The following ADAM2 variants were observed in gnomAD, a reference collection of about 807,000 sequenced individuals.
ADAM2 encodes disintegrin and metalloproteinase domain-containing protein 2.
ADAM2 carries 101 observed loss-of-function variants against 99.3 expected under a neutral mutation model. That is an observed-to-expected ratio of 1.02 (90% confidence interval 0.87 to 1.20). The LOEUF is 1.20. Among genes scored for constraint, ADAM2 ranks in the 50% most tolerant of loss-of-function variants. The pLI is 0.00. For missense variants in ADAM2, 948 were observed against 878.7 expected, an observed-to-expected ratio of 1.08 and a Z score of -1.00; for synonymous variants, 323 against 287.6, an observed-to-expected ratio of 1.12 and a Z score of -1.25.
At chr8:39,746,326 C>T in intron 19 of ADAM2, 146 bp downstream of exon 19, 1 of 576,626 alleles carries the variant, frequency 1.7e-6, no homozygotes, top group Non-Finnish European at 2.8e-6. Flanking sequence ...CACCCCTGGC[C>T]ATTAGTTATT....
chr8:39,745,419 T>C lies in ADAM2; in HGVS notation c.2175-526A>G, dbSNP rs557248771. 8.5e-4 allele frequency among the ~76,000 whole-genome samples: 130 copies of C among 152,234 alleles called. 1 individual carries two copies. The highest frequency in any genetic ancestry group is 3.0e-3 in the African/African-American group (125 of 41,566). On this transcript the variant is annotated intron_variant, in intron 19 of 20. Transcript: ENST00000265708. The stretch of plus-strand genomic sequence containing the variant: ...TTTTCATTTACATTGTCATTTTAAG[T>C]ATTTTAATGAAATTCAATTCATTTC...
chr8:39,746,017 G>GTA (rs10661866), intron 19 of ADAM2, among the ~76,000 whole-genome samples: 86,975 of 150,036 alleles, frequency 0.58, 25,359 homozygotes, highest in East Asian at 0.85. Context: ...GTGTGTGTGT[G>GTA]TATATATATA....
intron 7 of ADAM2, among the ~76,000 whole-genome samples, chr8:39,800,411 C>CT (rs1230215789): frequency 1.3e-5 from 2 of 152,170 alleles, no homozygotes; most frequent in African/African-American, 4.8e-5. Flanking sequence ...GTCTGATGGG[C>CT]TTCCCTTTGT....
At chr8:39,803,193 A>G (rs1314578298) in intron 7 of ADAM2, among the ~76,000 whole-genome samples, 2 of 152,190 alleles carry the variant, frequency 1.3e-5, no homozygotes, top group South Asian at 2.1e-4. Flanking sequence ...AATGCCTTAA[A>G]TTTTGATCAA....
intron 3 of ADAM2, among the ~76,000 whole-genome samples, chr8:39,832,157 A>T (rs1306671179): frequency 6.6e-6 from 1 of 152,126 alleles, no homozygotes; most frequent in East Asian, 1.9e-4. Context: ...CAATGTCATA[A>T]AATTGGTTCC....
intron 6 of ADAM2, chr8:39,818,233 A>G (rs1332280328): frequency 6.6e-6 from 1 of 152,100 alleles, no homozygotes; most frequent in Non-Finnish European, 1.5e-5. Context: ...ATGCACTATA[A>G]CAAAGAGAGA....
chr8:39,769,956 T>TA (rs1802716500), intron 11 of ADAM2, among the ~76,000 whole-genome samples: 1 of 149,320 alleles, frequency 6.7e-6, no homozygotes, highest in Non-Finnish European at 1.5e-5. Context: ...TTTTCTTTTT[T>TA]TTTTTTTTGA....
chr8:39,821,748 G>T, intron 4 of ADAM2, 86 bp from the exon 5 acceptor site: 1 of 894,736 alleles, frequency 1.1e-6, no homozygotes. Flanking sequence ...TATGTGTTTT[G>T]TTTTTATGCA....
intron 10 of ADAM2, among the ~76,000 whole-genome samples, chr8:39,778,408 G>T (rs1298605236): frequency 6.6e-6 from 1 of 152,030 alleles, no homozygotes; most frequent in Non-Finnish European, 1.5e-5. Context: ...GAATGAAAGT[G>T]AGGTATTTAC....
chr8:39,761,250 A>G lies in ADAM2; in HGVS notation c.1539T>C (p.Ser513=), dbSNP rs144791816. The G allele has an allele frequency of 8.1e-6, 13 of 1,604,360 alleles. No individual in the cohort carries two copies. The highest frequency in any genetic ancestry group is 1.7e-4 in the Middle Eastern group (1 of 5,900). The change falls in exon 15 of 21, where the codon TCT becomes TCC. Residue 513 remains serine, a synonymous_variant. Coordinates refer to ENST00000265708, the MANE Select transcript of ADAM2 (RefSeq NM_001464.5). ...ATACATCAGTCTTTGAATTAAGGTG[A>G]GAATAACATTCTGAAGGGCCAAACT... ...EVEFGPSECY[S]HLNSKTDVSG...
chr8:39,781,419 A>G (rs1041004693), intron 10 of ADAM2, among the ~76,000 whole-genome samples: 1 of 152,178 alleles, frequency 6.6e-6, no homozygotes, highest in Non-Finnish European at 1.5e-5. Flanking sequence ...TAGAATCTTT[A>G]TTTTGATCTC....
intron 8 of ADAM2, 40 bp from the exon 9 acceptor site, chr8:39,788,291 A>C: frequency 1.5e-6 from 2 of 1,323,356 alleles, no homozygotes; most frequent in Non-Finnish European, 1.0e-6. Flanking sequence ...CAAAAGTCAC[A>C]GTTTTTAAAA....
At chr8:39,820,113 T>C (rs1380314543) in intron 6 of ADAM2, among the ~76,000 whole-genome samples, 1 of 152,126 alleles carries the variant, frequency 6.6e-6, no homozygotes, top group Non-Finnish European at 1.5e-5. Context: ...AGGGTCTTGG[T>C]GACCATGTAT....
intron 6 of ADAM2, chr8:39,817,929 A>G: frequency 6.6e-6 from 1 of 151,870 alleles, no homozygotes; most frequent in Non-Finnish European, 1.5e-5. Flanking sequence ...ATTATAATAG[A>G]CTTAATGAGA....
intron 11 of ADAM2, among the ~76,000 whole-genome samples, chr8:39,775,642 T>C (rs1023479090): frequency 1.3e-5 from 2 of 152,178 alleles, no homozygotes; most frequent in African/African-American, 4.8e-5. Context: ...TTTGTTTTTC[T>C]CCATCAACCA....
At chr8:39,788,819 C>G in intron 7 of ADAM2, 79 bp from the exon 8 acceptor site, 1 of 755,538 alleles carries the variant, frequency 1.3e-6, no homozygotes, top group Non-Finnish European at 1.9e-6. Context: ...ATTTAAAATT[C>G]AATTTGGTGA....
At chr8:39,836,216 C>G (rs1265754881) in intron 2 of ADAM2, among the ~76,000 whole-genome samples, 1 of 150,978 alleles carries the variant, frequency 6.6e-6, no homozygotes, top group African/African-American at 2.5e-5. Context: ...TTTTTTTTTA[C>G]TTATTGCAAA....
chr8:39,804,755 T>C (rs1003801416), intron 7 of ADAM2, among the ~76,000 whole-genome samples: 1 of 152,178 alleles, frequency 6.6e-6, no homozygotes, highest in Admixed American at 6.5e-5. Context: ...AAAAAATAAG[T>C]ATGGTAAAGT....
Position 39,811,693 on chromosome 8 carries a change from C to A in ADAM2, c.514-2227G>T, listed in dbSNP as rs191555885. ...GACAAAAACCACATGATTATCTCAA[C>A]AGATGCAGAAAAGGCCTTCGACAAA... is the stretch of plus-strand genomic sequence containing the variant. On this transcript the variant is annotated intron_variant, in intron 6 of 20. Coordinates refer to ENST00000265708, the MANE Select transcript of ADAM2 (RefSeq NM_001464.5). 3.3e-3 allele frequency among the ~76,000 whole-genome samples: 498 copies of A among 152,194 alleles called. 21 individuals are homozygous for A. The East Asian group carries it at 0.086, about 26-fold the overall frequency.
Sources: gnomAD v4.1 joint callset for allele counts (sites outside exome capture counted in the v4.1 genomes callset) on GRCh38, gnomAD v4.1.1 for gene constraint, MANE v1.5 for transcripts, NCBI Gene and HGNC (gene_info 2026-07-23, HGNC 2026-07-21) for gene names.